Variants in MED12L observed in about 807,000 individuals in gnomAD.
The protein encoded by MED12L is mediator complex subunit 12L.
Under a neutral mutation model 281.3 loss-of-function variants are expected in MED12L, and 60 were observed. The observed-to-expected ratio is 0.21, with a 90% CI of 0.17 to 0.26. MED12L has a LOEUF of 0.26. Ranked by LOEUF, MED12L falls within the 10% of genes least tolerant of loss-of-function variation. The pLI, the probability that MED12L is intolerant of heterozygous loss-of-function variation, is 1.00. For missense variants in MED12L, 2,146 were observed against 2,680.9 expected (o/e 0.80, Z 4.41); for synonymous variants, 974 against 987.2 (o/e 0.99, Z 0.25).
chr3:151,379,392 CTTTG>C (rs768702537), intron 31 of MED12L, among the ~76,000 whole-genome samples: 1 of 152,182 alleles, frequency 6.6e-6, no homozygotes, highest in Non-Finnish European at 1.5e-5. Flanking sequence ...CAACATGGCG[CTTTG>C]TTTGTCAATA....
At chr3:151,247,616 GTC>G (rs1559934221) in intron 16 of MED12L, among the ~76,000 whole-genome samples, 23 of 123,844 alleles carry the variant, frequency 1.9e-4, no homozygotes, top group Non-Finnish European at 3.5e-4. Flanking sequence ...CTGTTGTGGG[GTC>G]GGGGAGGGGG....
intron 16 of MED12L, among the ~76,000 whole-genome samples, chr3:151,275,335 G>A (rs1212010443): frequency 6.6e-6 from 1 of 151,418 alleles, no homozygotes; most frequent in East Asian, 1.9e-4. Context: ...CATATAATTG[G>A]GTAGAAGCCA....
chr3:151,102,969 CT>C (rs1333205105), intron 2 of MED12L, among the ~76,000 whole-genome samples: 6 of 152,122 alleles, frequency 3.9e-5, no homozygotes, highest in Admixed American at 3.9e-4. Context: ...GAAACCAAGG[CT>C]TATGTTTGTG....
intron 40 of MED12L, among the ~76,000 whole-genome samples, 156 bp downstream of exon 40, chr3:151,409,488 G>A (rs1268096156): frequency 6.6e-6 from 1 of 152,220 alleles, no homozygotes; most frequent in Non-Finnish European, 1.5e-5. Context: ...AAAAAAGCAT[G>A]ATCAGGATTG....
intron 16 of MED12L, among the ~76,000 whole-genome samples, chr3:151,319,163 G>A (rs1577321983): frequency 6.6e-6 from 1 of 152,292 alleles, no homozygotes; most frequent in South Asian, 2.1e-4. Flanking sequence ...CAAAAGGGAA[G>A]TAATACATGT....
chr3:151,119,619 A>T (rs1713427930), intron 3 of MED12L, among the ~76,000 whole-genome samples: 1 of 152,180 alleles, frequency 6.6e-6, no homozygotes, highest in Admixed American at 6.5e-5. Flanking sequence ...TGAGGATGCA[A>T]TTTAGTCTCA....
intron 2 of MED12L, among the ~76,000 whole-genome samples, chr3:151,108,519 G>T (rs2148696505): frequency 6.6e-6 from 1 of 152,244 alleles, no homozygotes; most frequent in African/African-American, 2.4e-5. Context: ...TTGGGGGAGA[G>T]GTGGACAAGG....
At chr3:151,131,984 T>C (rs1208310633) in intron 5 of MED12L, among the ~76,000 whole-genome samples, 1 of 152,226 alleles carries the variant, frequency 6.6e-6, no homozygotes, top group East Asian at 1.9e-4. Flanking sequence ...ATTCTGTTTT[T>C]TGATCCAGTT....
At chr3:151,384,311 AT>A (rs1262223740) in intron 35 of MED12L, 93 bp downstream of exon 35, 1 of 1,262,586 alleles carries the variant, frequency 7.9e-7, no homozygotes, top group Non-Finnish European at 1.1e-6. Flanking sequence ...AATGTTATTA[AT>A]TGTATTCAAC....
At chr3:151,139,003 G>GCCTA (rs927486148) in intron 5 of MED12L, among the ~76,000 whole-genome samples, 1 of 99,040 alleles carries the variant, frequency 1.0e-5, no homozygotes, top group Non-Finnish European at 2.1e-5. Context: ...CTACCTACCT[G>GCCTA]CCTACCTACC....
intron 5 of MED12L, among the ~76,000 whole-genome samples, chr3:151,145,506 T>G (rs1717638991): frequency 6.6e-6 from 1 of 152,224 alleles, no homozygotes; most frequent in South Asian, 2.1e-4. Flanking sequence ...GCATTTTAAA[T>G]CTGGCGTATT....
intron 16 of MED12L, among the ~76,000 whole-genome samples, chr3:151,348,443 C>A (rs756715772): frequency 6.6e-6 from 1 of 151,722 alleles, no homozygotes; most frequent in African/African-American, 2.4e-5. Context: ...CATTCAGATG[C>A]GCAGCCAGCT....
intron 5 of MED12L, among the ~76,000 whole-genome samples, chr3:151,133,823 T>G (rs1205177026): frequency 1.3e-5 from 2 of 152,180 alleles, no homozygotes; most frequent in East Asian, 3.8e-4. Flanking sequence ...AGCTAATACT[T>G]AAAAATGAAA....
intron 11 of MED12L, among the ~76,000 whole-genome samples, chr3:151,183,943 G>A (rs1269908378): frequency 1.3e-5 from 2 of 152,198 alleles, no homozygotes; most frequent in Non-Finnish European, 2.9e-5. Context: ...CTATAAGCAT[G>A]TGGTCCTTCA....
chr3:151,303,729 C>T (rs1746261564), intron 16 of MED12L, among the ~76,000 whole-genome samples: 1 of 152,210 alleles, frequency 6.6e-6, no homozygotes, highest in Non-Finnish European at 1.5e-5. Flanking sequence ...CGCCACTGCA[C>T]TGCAGCCTGG....
At chr3:151,279,136 C>T (rs1432748060) in intron 16 of MED12L, among the ~76,000 whole-genome samples, 1 of 152,192 alleles carries the variant, frequency 6.6e-6, no homozygotes, top group Non-Finnish European at 1.5e-5. Context: ...ACAAAGTCCT[C>T]TTCAAAGTGT....
chr3:151,223,802 C>T (rs1729904039), intron 16 of MED12L, among the ~76,000 whole-genome samples: 2 of 152,188 alleles, frequency 1.3e-5, no homozygotes, highest in South Asian at 2.1e-4. Context: ...ACAATATACC[C>T]AAGTAACAAA....
intron 2 of MED12L, among the ~76,000 whole-genome samples, chr3:151,098,490 C>T (rs188377845): frequency 1.4e-4 from 21 of 152,310 alleles, no homozygotes; most frequent in African/African-American, 4.8e-4. Flanking sequence ...GAGACTTCTT[C>T]CTTGCCTCCT....
At chr3:151,373,208 G>T (rs9859552) in intron 27 of MED12L, among the ~76,000 whole-genome samples, 16,974 of 152,140 alleles carry the variant, frequency 0.11, 1,285 homozygotes, top group Middle Eastern at 0.18. Flanking sequence ...TGTTGGATTT[G>T]TCTGAGGTTT....
Sources: allele counts gnomAD v4.1 joint callset (sites outside exome capture counted in the v4.1 genomes callset), GRCh38; gene constraint gnomAD v4.1.1; transcripts MANE v1.5; gene names NCBI Gene and HGNC (gene_info 2026-07-23, HGNC 2026-07-21).